ZNF334: variants seen among roughly 807,000 people sequenced by gnomAD.
The protein encoded by ZNF334 is zinc finger protein 334.
A neutral mutation model predicts 12.4 loss-of-function variants in ZNF334; 14 were observed. The ratio of observed to expected loss-of-function variants is 1.13; its 90% CI spans 0.74 to 1.76. The LOEUF is 1.76. Ranked by LOEUF, ZNF334 falls within the 40% of genes most tolerant of loss-of-function variation. ZNF334 has a pLI of 0.00. For synonymous variants in ZNF334, 273 were observed against 269.6 expected (o/e 1.01, Z -0.12); for missense variants, 797 against 804.5 (o/e 0.99, Z 0.11).
chr20:46,502,888 C>A lies in ZNF334; in HGVS notation c.451G>T (p.Val151Phe), dbSNP rs2061291624. 6.2e-7 allele frequency: 1 copy of A among 1,613,630 alleles called. No homozygotes were observed. ...NSLKTNSEVI[V>F]AKKSKENRKI... ...CTGTTTTCTTTGCTTTTCTTTGCAA[C>A]AATTACTTCTGAATTAGTTTTCAAA... The change falls in exon 5 of 5, where the codon GTT (valine) becomes TTT (phenylalanine). Residue 151 changes from valine to phenylalanine, a missense_variant. Coordinates refer to ENST00000692313, the MANE Select transcript of ZNF334 (RefSeq NM_001353824.2).
At chr20:46,485,853 T>G in the ZNF334 span, among the ~76,000 whole-genome samples, 1 of 152,240 alleles carries the variant, frequency 6.6e-6, no homozygotes, top group African/African-American at 2.4e-5. Flanking sequence ...CCCTGTTTAT[T>G]CTTTAAATAC....
At chr20:46,489,392 G>T in the ZNF334 span, among the ~76,000 whole-genome samples, 1 of 151,848 alleles carries the variant, frequency 6.6e-6, no homozygotes, top group African/African-American at 2.4e-5. Context: ...CTTCAGGGTG[G>T]GTGTGGTGAC....
At chr20:46,488,452 A>ATATATAT in the ZNF334 span, among the ~76,000 whole-genome samples, 1 of 97,684 alleles carries the variant, frequency 1.0e-5, no homozygotes, top group African/African-American at 4.8e-5. Flanking sequence ...TAAATACCAT[A>ATATATAT]ATTTATCTCC....
In ZNF334 at chr20:46,502,149, C is replaced by A. The variant is rs749067565; in HGVS notation, c.1190G>T (p.Arg397Ile). ...ATAGGGTTTTTCCCCTGTGTGAATT[C>A]TCTGATGCGCAGTAAGGGCTGACTG... The part of the protein sequence containing the change: ...FCQSALTAHQ[R>I]IHTGEKPYEC... Residue 397 changes from arginine to isoleucine, a missense_variant, in exon 5 of 5, where the codon AGA (arginine) becomes ATA (isoleucine). By Grantham distance (97) the Arg-to-Ile change is moderately conservative. Transcript: ENST00000692313. The A allele has an allele frequency of 6.2e-7, 1 of 1,614,140 alleles. No individual in the cohort carries two copies.
the ZNF334 span, chr20:46,492,090 C>A: frequency 6.6e-6 from 1 of 152,544 alleles, no homozygotes; most frequent in African/African-American, 2.4e-5. Flanking sequence ...AAAAGCGTCT[C>A]AAATCTTAAC....
chr20:46,472,046 C>A, the ZNF334 span, among the ~76,000 whole-genome samples: 1 of 152,194 alleles, frequency 6.6e-6, no homozygotes, highest in Non-Finnish European at 1.5e-5. Flanking sequence ...TTTTCTAATT[C>A]ATGGACATAG....
chr20:46,495,576 C>T (rs549097067), downstream of ZNF334, among the ~76,000 whole-genome samples: 8 of 152,206 alleles, frequency 5.3e-5, no homozygotes, highest in African/African-American at 1.7e-4. Context: ...TTATCCCCCA[C>T]CTTTTGACCT....
Position 46,504,760 on chromosome 20 carries a change from C to T in ZNF334, c.22-20G>A. 1 of 1,583,482 alleles carries T rather than the reference C, an allele frequency of 6.3e-7. No homozygotes were observed. Among genetic ancestry groups the T allele is most frequent in the Non-Finnish European group, 8.6e-7 (1 of 1,166,842 alleles). ...TGGTATCTGAAAGAAAATGTTTAATCTTGGGTGACCAAAATTGAGTGATAT... is the reference window on the plus strand; with the variant it reads ...TGGTATCTGAAAGAAAATGTTTAATTTTGGGTGACCAAAATTGAGTGATAT... On this transcript the variant is annotated intron_variant, in intron 2 of 4. Transcript: ENST00000692313.
chr20:46,474,986 A>T, the ZNF334 span, among the ~76,000 whole-genome samples: 4 of 152,230 alleles, frequency 2.6e-5, no homozygotes, highest in Non-Finnish European at 5.9e-5. Flanking sequence ...AGATTATCAA[A>T]GTTGACAGGA....
chr20:46,496,169 G>C (rs940911560), downstream of ZNF334, among the ~76,000 whole-genome samples: 1 of 152,106 alleles, frequency 6.6e-6, no homozygotes, highest in Non-Finnish European at 1.5e-5. Flanking sequence ...CTGCTCCTTC[G>C]AAGAAAGCCC....
At chr20:46,505,896 G>A (rs558216048) in intron 2 of ZNF334, 69 of 153,478 alleles carry the variant, frequency 4.5e-4, no homozygotes, top group African/African-American at 1.6e-3. Context: ...TACAGGACAT[G>A]AGCACAGGTA....
At chr20:46,470,438 C>A in the ZNF334 span, among the ~76,000 whole-genome samples, 2 of 152,166 alleles carry the variant, frequency 1.3e-5, no homozygotes, top group Non-Finnish European at 2.9e-5. Flanking sequence ...AGATGTGAGG[C>A]TTTCTGTGGG....
the ZNF334 span, among the ~76,000 whole-genome samples, chr20:46,467,800 C>T: frequency 1.3e-5 from 2 of 152,170 alleles, no homozygotes; most frequent in Non-Finnish European, 2.9e-5. Context: ...AAATACTTAA[C>T]ATTTTAATAA....
At chr20:46,504,335 C>T (rs1395181645) in intron 3 of ZNF334, 29 bp from the exon 4 acceptor site, 52 of 1,589,752 alleles carry the variant, frequency 3.3e-5, no homozygotes, top group Non-Finnish European at 4.3e-5. Context: ...AGAACTTGGA[C>T]CAAGATCTTT....
chr20:46,493,250 G>A, the ZNF334 span, among the ~76,000 whole-genome samples: 3 of 152,178 alleles, frequency 2.0e-5, no homozygotes, highest in Non-Finnish European at 2.9e-5. Context: ...TTAACAAATA[G>A]AGGCAGCTAT....
chr20:46,505,000 A>C (rs2061381089), intron 2 of ZNF334: 1 of 321,234 alleles, frequency 3.1e-6, no homozygotes, highest in Non-Finnish European at 5.6e-6. Context: ...CTTACTCTTT[A>C]GGAGCATACA....
chr20:46,493,602 G>A, the ZNF334 span, among the ~76,000 whole-genome samples: 73 of 152,232 alleles, frequency 4.8e-4, no homozygotes, highest in Admixed American at 5.2e-4. Context: ...TGGCCAACAT[G>A]GTGAAACCCT....
At chr20:46,465,155 C>T in the ZNF334 span, 9 of 213,366 alleles carry the variant, frequency 4.2e-5, no homozygotes, top group African/African-American at 2.1e-4. Context: ...TACTGCCACT[C>T]CTTCTTCCCG....
chr20:46,488,444 A>ATATATATATATATATATATATATATAT, the ZNF334 span, among the ~76,000 whole-genome samples: 7 of 84,206 alleles, frequency 8.3e-5, no homozygotes, highest in South Asian at 3.1e-4. Flanking sequence ...TATATATATA[A>ATATATATATATATATATATATATATAT]ATACCATAAT....
Sources: allele counts gnomAD v4.1 joint callset (sites outside exome capture counted in the v4.1 genomes callset), GRCh38; gene constraint gnomAD v4.1.1; transcripts MANE v1.5; gene names NCBI Gene and HGNC (gene_info 2026-07-23, HGNC 2026-07-21).